BRIP1: variants seen among roughly 807,000 people sequenced by gnomAD.
The protein encoded by BRIP1 is Fanconi anemia group J protein.
A neutral mutation model predicts 119.7 loss-of-function variants in BRIP1; 88 were observed. That is an observed-to-expected ratio of 0.74 (90% confidence interval 0.62 to 0.88). BRIP1 has a LOEUF of 0.88. BRIP1 is among the 40% of genes least tolerant of loss of function. The pLI is 0.00. For synonymous variants in BRIP1, 443 were observed against 496.5 expected, an observed-to-expected ratio of 0.89 and a Z score of 1.43; for missense variants, 1,259 against 1,455.4, an observed-to-expected ratio of 0.87 and a Z score of 2.20.
Position 61,776,527 on chromosome 17 carries a change from AC to A in BRIP1, c.1970del (p.Gly657ValfsTer31), listed in dbSNP as rs760782298. The A allele has an allele frequency of 4.3e-6, 7 of 1,614,116 alleles. No individual in the cohort carries two copies. The highest frequency in any genetic ancestry group is 2.2e-5 in the East Asian group (1 of 44,876). ...WVGTIGSGPKGRNLCATFQNT... is the reference protein window; with the variant it reads ...WVGTIGSGPKXRNLCATFQNT... ...TCTGGAAGGTAGCACAGAGATTCCG[AC>A]CCTTGGGGCCTGACCCAATGGTACC... On this transcript the variant is annotated frameshift_variant, in exon 14 of 20. Transcript: ENST00000259008. LOFTEE classifies it high-confidence loss of function. This position sits in a 1 kb window ranked among gnomAD's most constrained non-coding sequence, Gnocchi z 5.0.
Position 61,704,006 on chromosome 17 carries a change from C to T in BRIP1, c.2493-10494G>A, listed in dbSNP as rs1048645925. 3.3e-5 allele frequency among the ~76,000 whole-genome samples: 5 copies of T among 152,104 alleles called. No individual in the cohort carries two copies. Among genetic ancestry groups the T allele is most frequent in the Admixed American group, 6.5e-5 (1 of 15,270 alleles). On this transcript the variant is annotated intron_variant, in intron 17 of 19. Coordinates refer to ENST00000259008, the MANE Select transcript of BRIP1 (RefSeq NM_032043.3). The surrounding 1 kb of genome is among the most constrained non-coding windows in gnomAD (Gnocchi z 5.7). ...ATAGTTTGAGGTCTTACACTTAAATCTTTAATCCATCTTGAGTTAATTTTA... is the reference window on the plus strand; with the variant it reads ...ATAGTTTGAGGTCTTACACTTAAATTTTTAATCCATCTTGAGTTAATTTTA...
At position 61,716,032 on chromosome 17, in the gene BRIP1, T is replaced by C. The variant is rs777277034; in HGVS notation, c.2411A>G (p.His804Arg). The C allele has an allele frequency of 3.1e-6, 5 of 1,606,566 alleles. No individual in the cohort carries two copies. The South Asian group carries it at 5.6e-5, about 18-fold the overall frequency. ...VELKRQYNDH[H>R]SKLRGLLPGR... ...AGGTAGAAGACCTCTCAATTTTGAA[T>C]GGTGGTCATTGTATTGTCGTTTTAG... is the stretch of plus-strand genomic sequence containing the variant. Residue 804 changes from histidine (H) to arginine (R), a missense_variant, in exon 17 of 20, where the codon CAT becomes CGT. Physicochemically the swap from His to Arg is conservative, Grantham distance 29 (BLOSUM62 0). Coordinates refer to ENST00000259008, the MANE Select transcript of BRIP1 (RefSeq NM_032043.3).
At position 61,774,036 on chromosome 17, in the gene BRIP1, C is replaced by T. The variant is rs1173882425; in HGVS notation, c.2097+2365G>A. Reference sequence around the variant, plus strand: ...TGTGGAAGACAGTGTGGCGATTCCTCAAGGATCTAAAACTAGAAATACCAT... The same window carrying T: ...TGTGGAAGACAGTGTGGCGATTCCTTAAGGATCTAAAACTAGAAATACCAT... On this transcript the variant is annotated intron_variant, in intron 14 of 19. Coordinates refer to ENST00000259008, the MANE Select transcript of BRIP1 (RefSeq NM_032043.3). The surrounding 1 kb of genome is among the most constrained non-coding windows in gnomAD (Gnocchi z 5.8). Among the ~76,000 whole-genome samples the T allele has an allele frequency of 6.6e-6, 1 of 152,136 alleles. No homozygotes were observed. The highest frequency in any genetic ancestry group is 1.5e-5 in the Non-Finnish European group (1 of 68,028).
rs1555618353 is a variant in BRIP1 at position 61,859,778 on chromosome 17, T to C, written c.205+18A>G. On this transcript the variant is annotated intron_variant, in intron 3 of 19. Transcript: ENST00000259008. The stretch of plus-strand genomic sequence containing the variant: ...CAGATCCCAGTAAGTAACCTGAAGA[T>C]ATCAAGCAACTACTTACCACTAAGA... The C allele has an allele frequency of 6.6e-7, 1 of 1,517,748 alleles. No individual in the cohort carries two copies. Among genetic ancestry groups the C allele is most frequent in the Non-Finnish European group, 9.2e-7 (1 of 1,092,302 alleles). The allele number at this position is 1,517,748 out of a possible 1,614,324, so 94.0% of individuals were successfully genotyped here.
At chr17:61,849,295 T>C in intron 4 of BRIP1, 39 bp from the exon 5 acceptor site, 4 of 1,573,988 alleles carry the variant, frequency 2.5e-6, no homozygotes, top group Non-Finnish European at 2.6e-6. Flanking sequence ...ATAAATAACT[T>C]ACAGGTAGGC....
rs2076949005 is a variant in BRIP1 at position 61,738,615 on chromosome 17, G to C, written c.2379+4398C>G. Among the ~76,000 whole-genome samples the C allele has an allele frequency of 1.3e-5, 2 of 152,014 alleles. No homozygotes were observed. Among genetic ancestry groups the C allele is most frequent in the Non-Finnish European group, 2.9e-5 (2 of 68,014 alleles). On this transcript the variant is annotated intron_variant, in intron 16 of 19. Coordinates refer to ENST00000259008, the MANE Select transcript of BRIP1 (RefSeq NM_032043.3). This position sits in a 1 kb window ranked among gnomAD's most constrained non-coding sequence, Gnocchi z 4.2. Reference sequence around the variant, plus strand: ...ATATTGTCTAGGAAGAATTTATCCTGAGGAAAAAAAGCATTAAGAACCCCA... The same window carrying C: ...ATATTGTCTAGGAAGAATTTATCCTCAGGAAAAAAAGCATTAAGAACCCCA...
At chr17:61,763,023 T>G (rs1369673048) in intron 14 of BRIP1, among the ~76,000 whole-genome samples, 1 of 152,156 alleles carries the variant, frequency 6.6e-6, no homozygotes, top group Non-Finnish European at 1.5e-5. Context: ...ATGCCCTTAC[T>G]TTACGTGGCA....
rs864622375 is a variant in BRIP1, at chr17:61,801,334, G to A, written c.1059C>T (p.Tyr353=). 2 of 1,613,938 alleles carry A rather than the reference G, an allele frequency of 1.2e-6. No individual in the cohort carries two copies. Among genetic ancestry groups the A allele is most frequent in the Middle Eastern group, 1.6e-4 (1 of 6,082 alleles). The stretch of plus-strand genomic sequence containing the variant: ...CATCTTGTATTAGTTCTCGGGCTGT[G>A]TAATATGGACAGGCCTTTAGTTTCT... ...LGKKLKACPY[Y]TARELIQDAD... Residue 353 remains tyrosine (Y), a synonymous_variant, in exon 8 of 20, where the codon TAC becomes TAT. Coordinates refer to ENST00000259008, the MANE Select transcript of BRIP1 (RefSeq NM_032043.3).
Position 61,853,379 on chromosome 17 carries a change from GTC to G in BRIP1, c.379+3677_379+3678del, listed in dbSNP as rs201133474. Among the ~76,000 whole-genome samples, 22 of 149,330 alleles carry G rather than the reference GTC, an allele frequency of 1.5e-4. No homozygotes were observed. The highest frequency in any genetic ancestry group is 2.1e-4 in the East Asian group (1 of 4,674). ...GGAGGGCCTCTGGGGTGTTGGTAAT[GTC>G]TCTCTCTTTTTTTTTTAATCTATGT... On this transcript the variant is annotated intron_variant, in intron 4 of 19. Coordinates refer to ENST00000259008, the MANE Select transcript of BRIP1 (RefSeq NM_032043.3). The surrounding 1 kb of genome is among the most constrained non-coding windows in gnomAD (Gnocchi z 4.3).
At chr17:61,829,966 C>T (rs2078465751) in intron 6 of BRIP1, among the ~76,000 whole-genome samples, 1 of 149,380 alleles carries the variant, frequency 6.7e-6, no homozygotes, top group Admixed American at 6.6e-5. Flanking sequence ...GAGTTTCGCT[C>T]TTGTTGCCCA....
chr17:61,768,055 G>C lies in BRIP1; in HGVS notation c.2097+8346C>G, dbSNP rs1213663518. On this transcript the variant is annotated intron_variant, in intron 14 of 19. Transcript: ENST00000259008. The surrounding 1 kb of genome is among the most constrained non-coding windows in gnomAD (Gnocchi z 5.0). ...TTACAAATTTTGTCAAATAATGCAA[G>C]GATGTGTACACTTATTTTATACCAC... Among the ~76,000 whole-genome samples, 2 of 152,144 alleles carry C rather than the reference G, an allele frequency of 1.3e-5. No individual in the cohort carries two copies. The highest frequency in any genetic ancestry group is 4.8e-5 in the African/African-American group (2 of 41,428).
At chr17:61,813,914 G>C (rs1236127025) in intron 6 of BRIP1, among the ~76,000 whole-genome samples, 1 of 151,994 alleles carries the variant, frequency 6.6e-6, no homozygotes, top group African/African-American at 2.4e-5. Context: ...CCAAGGAATT[G>C]TTTAAAGTTA....
rs1431324791 is a variant in BRIP1 at position 61,758,458 on chromosome 17, A to G, written c.2098-13867T>C. 6.6e-6 allele frequency among the ~76,000 whole-genome samples: 1 copy of G among 152,242 alleles called. No individual in the cohort carries two copies. The highest frequency in any genetic ancestry group is 1.5e-5 in the Non-Finnish European group (1 of 68,040). On this transcript the variant is annotated intron_variant, in intron 14 of 19. Transcript: ENST00000259008. This position sits in a 1 kb window ranked among gnomAD's most constrained non-coding sequence, Gnocchi z 5.3. ...AAAGTTACTACTTTCAAGTATTGCC[A>G]TCTGAATCTGCTGTAAATTTGTTGC... is the stretch of plus-strand genomic sequence containing the variant.
In BRIP1 at chr17:61,806,873, A is replaced by AT. The variant is rs2078081695; in HGVS notation, c.918+1593dup. ...CCACCACGCCCAGCTAATTTTTTGT[A>AT]TTTTTAGTAGAGATGTGTTTTGCCA... On this transcript the variant is annotated intron_variant, in intron 7 of 19. Transcript: ENST00000259008. This position sits in a 1 kb window ranked among gnomAD's most constrained non-coding sequence, Gnocchi z 4.9. Among the ~76,000 whole-genome samples, 2 of 151,994 alleles carry AT rather than the reference A, an allele frequency of 1.3e-5. No individual in the cohort carries two copies.
rs190895827 is a variant in BRIP1, at chr17:61,725,028, T to C, written c.2380-8965A>G. 1.1e-3 allele frequency among the ~76,000 whole-genome samples: 164 copies of C among 152,316 alleles called. 2 individuals are homozygous for C. The highest frequency in any genetic ancestry group is 3.5e-4 in the Non-Finnish European group (24 of 68,014). ...AGAATTATAAACTCAGCATAAGATC[T>C]TGTATGTGATATAATTTAGCTAGAT... On this transcript the variant is annotated intron_variant, in intron 16 of 19. Transcript: ENST00000259008. The surrounding 1 kb of genome is among the most constrained non-coding windows in gnomAD (Gnocchi z 5.3).
At chr17:61,784,718 C>G (rs1029732881) in intron 10 of BRIP1, among the ~76,000 whole-genome samples, 3 of 152,106 alleles carry the variant, frequency 2.0e-5, no homozygotes, top group African/African-American at 7.2e-5. Flanking sequence ...CCCACGAGAG[C>G]TGGTTGTTAG....
rs1287410294 is a variant in BRIP1 at position 61,742,838 on chromosome 17, T to C, written c.2379+175A>G. Among the ~76,000 whole-genome samples the C allele has an allele frequency of 1.3e-5, 2 of 152,154 alleles. No individual in the cohort carries two copies. The highest frequency in any genetic ancestry group is 2.9e-5 in the Non-Finnish European group (2 of 68,032). On this transcript the variant is annotated intron_variant, in intron 16 of 19. Transcript: ENST00000259008. This position sits in a 1 kb window ranked among gnomAD's most constrained non-coding sequence, Gnocchi z 4.7. Reference sequence around the variant, plus strand: ...TGTGAAACAGAAACAAGTGACCACATGCTGTTGGAAAAATGGTGCTGAAAG... The same window carrying C: ...TGTGAAACAGAAACAAGTGACCACACGCTGTTGGAAAAATGGTGCTGAAAG...
intron 10 of BRIP1, among the ~76,000 whole-genome samples, chr17:61,788,582 CATT>C (rs2077768442): frequency 6.6e-6 from 1 of 152,118 alleles, no homozygotes; most frequent in South Asian, 2.1e-4. Flanking sequence ...TTTCTTAAAT[CATT>C]AATTAACAAA....
intron 4 of BRIP1, among the ~76,000 whole-genome samples, chr17:61,850,631 C>T (rs2078805708): frequency 6.6e-6 from 1 of 151,554 alleles, no homozygotes; most frequent in Admixed American, 6.6e-5. Flanking sequence ...AGTTCAAGAC[C>T]TGCCTGGGCA....
Sources: allele counts gnomAD v4.1 joint callset (sites outside exome capture counted in the v4.1 genomes callset), GRCh38; gene constraint gnomAD v4.1.1; non-coding constraint Gnocchi (gnomAD v3.1); transcripts MANE v1.5; gene names NCBI Gene and HGNC (gene_info 2026-07-23, HGNC 2026-07-21).